The following ADGRB3 variants were observed in gnomAD, a reference collection of about 807,000 sequenced individuals.
ADGRB3 encodes brain-specific angiogenesis inhibitor 3.
In ADGRB3, 37 loss-of-function variants were observed where a neutral mutation model predicts 193.4. The observed-to-expected ratio is 0.19, with a 90% CI of 0.15 to 0.25. The LOEUF (loss-of-function observed/expected upper bound fraction) is 0.25. Among genes scored for constraint, ADGRB3 ranks in the 10% least tolerant of loss-of-function variants. The probability of loss-of-function intolerance (pLI) is 1.00; values close to 1 mark genes in which losing one functional copy is unlikely to be tolerated. For synonymous variants in ADGRB3, 690 were observed against 644.2 expected (o/e 1.07, Z -1.08); for missense variants, 1,637 against 1,852.9 (o/e 0.88, Z 2.14).
chr6:69,382,000 C>T (rs1170833739), intron 30 of ADGRB3, among the ~76,000 whole-genome samples: 1 of 151,864 alleles, frequency 6.6e-6, no homozygotes, highest in Non-Finnish European at 1.5e-5. Context: ...AACTCTTCTT[C>T]GTTAGTGCTC....
intron 17 of ADGRB3, among the ~76,000 whole-genome samples, chr6:69,148,464 A>G (rs756149657): frequency 4.6e-5 from 7 of 152,086 alleles, no homozygotes; most frequent in Admixed American, 1.3e-4. Flanking sequence ...TTAACTTTTT[A>G]TTGTTTCCAT....
intron 17 of ADGRB3, among the ~76,000 whole-genome samples, chr6:69,167,216 T>C (rs1033232333): frequency 6.6e-6 from 1 of 152,104 alleles, no homozygotes; most frequent in Non-Finnish European, 1.5e-5. Flanking sequence ...TTGTAGCCTA[T>C]AGTATAGAGA....
intron 26 of ADGRB3, among the ~76,000 whole-genome samples, chr6:69,348,241 C>G (rs545244849): frequency 6.6e-6 from 1 of 152,062 alleles, no homozygotes; most frequent in African/African-American, 2.4e-5. Context: ...TCATGCCTGC[C>G]GTTAACATCA....
intron 13 of ADGRB3, among the ~76,000 whole-genome samples, chr6:69,039,634 T>C (rs1770970216): frequency 6.6e-6 from 1 of 152,166 alleles, no homozygotes; most frequent in African/African-American, 2.4e-5. Flanking sequence ...GAATGGGCAT[T>C]GCAATGAGAA....
intron 30 of ADGRB3, among the ~76,000 whole-genome samples, chr6:69,379,976 T>C (rs1466308344): frequency 6.6e-6 from 1 of 152,034 alleles, no homozygotes; most frequent in Non-Finnish European, 1.5e-5. Flanking sequence ...AAATGTTTTT[T>C]AGTTACGTAA....
At chr6:68,961,711 G>T (rs2150259059) in intron 8 of ADGRB3, among the ~76,000 whole-genome samples, 1 of 152,176 alleles carries the variant, frequency 6.6e-6, no homozygotes, top group African/African-American at 2.4e-5. Context: ...TTTCTAAAGA[G>T]AAAATACACT....
chr6:69,309,229 C>A (rs1454090694), intron 20 of ADGRB3, among the ~76,000 whole-genome samples: 2 of 151,596 alleles, frequency 1.3e-5, no homozygotes, highest in African/African-American at 4.8e-5. Context: ...AAGAAGGAAA[C>A]AATTTTCTTC....
chr6:68,938,640 C>T (rs1477798049), intron 5 of ADGRB3, among the ~76,000 whole-genome samples: 1 of 151,886 alleles, frequency 6.6e-6, no homozygotes, highest in African/African-American at 2.4e-5. Flanking sequence ...GAATTTATTC[C>T]TCCTAGATAA....
At chr6:68,880,167 T>C (rs1209690354) in intron 3 of ADGRB3, among the ~76,000 whole-genome samples, 1 of 152,132 alleles carries the variant, frequency 6.6e-6, no homozygotes, top group African/African-American at 2.4e-5. Context: ...CTGCCTGGGA[T>C]AAGGGGAGTG....
intron 20 of ADGRB3, among the ~76,000 whole-genome samples, chr6:69,298,304 G>T (rs893570498): frequency 1.3e-5 from 2 of 151,874 alleles, no homozygotes; most frequent in African/African-American, 4.8e-5. Flanking sequence ...CTCCCACAGA[G>T]ACTAGAAATA....
At chr6:68,641,270 G>C (rs931613251) in intron 3 of ADGRB3, among the ~76,000 whole-genome samples, 2 of 152,158 alleles carry the variant, frequency 1.3e-5, no homozygotes, top group African/African-American at 4.8e-5. Flanking sequence ...CAAAGTTGTT[G>C]TGTGTGCATT....
At chr6:68,823,729 G>A (rs1767789329) in intron 3 of ADGRB3, among the ~76,000 whole-genome samples, 1 of 152,000 alleles carries the variant, frequency 6.6e-6, no homozygotes, top group African/African-American at 2.4e-5. Flanking sequence ...TAGAATATGG[G>A]GGTCATGTTA....
At chr6:69,193,731 G>C (rs1401293485) in intron 17 of ADGRB3, among the ~76,000 whole-genome samples, 1 of 151,590 alleles carries the variant, frequency 6.6e-6, no homozygotes, top group Non-Finnish European at 1.5e-5. Flanking sequence ...TTTTTACCTA[G>C]AATGTAAAAT....
At chr6:68,870,926 T>G (rs1203194339) in intron 3 of ADGRB3, among the ~76,000 whole-genome samples, 1 of 152,158 alleles carries the variant, frequency 6.6e-6, no homozygotes, top group Non-Finnish European at 1.5e-5. Context: ...AAAGGATAGG[T>G]CCTTCTGTGG....
intron 20 of ADGRB3, among the ~76,000 whole-genome samples, chr6:69,264,339 T>C (rs1766989600): frequency 6.6e-6 from 1 of 151,970 alleles, no homozygotes; most frequent in East Asian, 1.9e-4. Flanking sequence ...GCTAAAAAAC[T>C]ATCAGTGTGA....
At chr6:68,785,419 T>A (rs1417390932) in intron 3 of ADGRB3, among the ~76,000 whole-genome samples, 1 of 150,878 alleles carries the variant, frequency 6.6e-6, no homozygotes, top group Non-Finnish European at 1.5e-5. Context: ...TGGTTTTTTG[T>A]CCTTGTGATA....
At chr6:68,890,762 G>T (rs923631510) in intron 3 of ADGRB3, among the ~76,000 whole-genome samples, 2 of 152,108 alleles carry the variant, frequency 1.3e-5, no homozygotes, top group Non-Finnish European at 2.9e-5. Flanking sequence ...GAAAGAAAAT[G>T]CCTAGTATTG....
chr6:68,786,445 T>C (rs1182614674), intron 3 of ADGRB3, among the ~76,000 whole-genome samples: 2 of 152,210 alleles, frequency 1.3e-5, no homozygotes, highest in Admixed American at 6.5e-5. Context: ...GTCAGGTTTG[T>C]CAAAGATCAG....
At chr6:68,938,432 A>G (rs1767539945) in intron 5 of ADGRB3, among the ~76,000 whole-genome samples, 2 of 89,656 alleles carry the variant, frequency 2.2e-5, no homozygotes, top group African/African-American at 4.1e-5. Flanking sequence ...ATAACATGAT[A>G]TTTTGAGGTA....
Sources: gnomAD v4.1 joint callset for allele counts (sites outside exome capture counted in the v4.1 genomes callset) on GRCh38, gnomAD v4.1.1 for gene constraint, MANE v1.5 for transcripts, NCBI Gene and HGNC (gene_info 2026-07-23, HGNC 2026-07-21) for gene names.